Variants in RANBP2 observed in about 807,000 individuals in gnomAD.
RANBP2 encodes the protein E3 SUMO-protein ligase RanBP2.
In RANBP2, 57 loss-of-function variants were observed where a neutral mutation model predicts 303.6. The ratio of observed to expected loss-of-function variants is 0.19; its 90% CI spans 0.15 to 0.23. RANBP2 has a LOEUF of 0.23. Among genes scored for constraint, RANBP2 ranks in the 10% least tolerant of loss-of-function variants. The probability of loss-of-function intolerance (pLI) is 1.00; values close to 1 mark genes in which losing one functional copy is unlikely to be tolerated. For synonymous variants in RANBP2, 1,167 were observed against 1,301.5 expected, an observed-to-expected ratio of 0.90 and a Z score of 2.23; for missense variants, 3,138 against 3,780.8, an observed-to-expected ratio of 0.83 and a Z score of 4.46.
At chr2:109,233,661 G>A in the RANBP2 span, among the ~76,000 whole-genome samples, 14 of 152,308 alleles carry the variant, frequency 9.2e-5, no homozygotes, top group East Asian at 1.9e-4. Context: ...CCTCCTGTTC[G>A]TATCACCACC....
chr2:108,791,544 A>C, the RANBP2 span: 2 of 1,065,486 alleles, frequency 1.9e-6, no homozygotes, highest in Non-Finnish European at 2.9e-6. Flanking sequence ...TTACATGTTT[A>C]CATTTTGCAG....
the RANBP2 span, among the ~76,000 whole-genome samples, chr2:109,407,434 G>A: frequency 1.3e-5 from 2 of 152,164 alleles, no homozygotes; most frequent in African/African-American, 4.8e-5. Context: ...TCTCTATGCA[G>A]CTTCCTGTGT....
chr2:109,199,127 A>G, the RANBP2 span, among the ~76,000 whole-genome samples: 1 of 151,944 alleles, frequency 6.6e-6, no homozygotes, highest in Admixed American at 6.6e-5. Context: ...TGGGAGGCTG[A>G]GGCGGGTGGA....
At chr2:109,315,139 T>C in the RANBP2 span, among the ~76,000 whole-genome samples, 1 of 152,272 alleles carries the variant, frequency 6.6e-6, no homozygotes, top group Admixed American at 6.5e-5. Flanking sequence ...AAACCTGTTT[T>C]ACTTTACTGA....
chr2:108,746,855 CATATCTT>C (rs1284879678), intron 8 of RANBP2, 57 bp downstream of exon 8: 1 of 609,788 alleles, frequency 1.6e-6, no homozygotes, highest in African/African-American at 1.9e-5. Flanking sequence ...TCTGTTAAGG[CATATCTT>C]ATGATAAAAT....
the RANBP2 span, among the ~76,000 whole-genome samples, chr2:109,317,939 A>C: frequency 1.3e-5 from 2 of 152,092 alleles, no homozygotes; most frequent in Non-Finnish European, 2.9e-5. Flanking sequence ...GGGGACTCGC[A>C]CAACTCTGCC....
At chr2:109,556,446 T>C in the RANBP2 span, among the ~76,000 whole-genome samples, 1 of 152,004 alleles carries the variant, frequency 6.6e-6, no homozygotes. Context: ...AAACGCAGAG[T>C]AAGAAATACT....
chr2:108,854,139 G>A, the RANBP2 span, among the ~76,000 whole-genome samples: 3 of 140,250 alleles, frequency 2.1e-5, no homozygotes, highest in African/African-American at 8.0e-5. Context: ...TAGAAAATGT[G>A]TACATTAGGA....
At chr2:109,199,608 G>GTTCC in the RANBP2 span, among the ~76,000 whole-genome samples, 9 of 224 alleles carry the variant, frequency 0.04, no homozygotes, top group South Asian at 0.5. Flanking sequence ...GGAATGGAAT[G>GTTCC]GAATGGAATG....
the RANBP2 span, among the ~76,000 whole-genome samples, chr2:108,821,075 T>G: frequency 5.9e-5 from 9 of 152,288 alleles, no homozygotes; most frequent in African/African-American, 2.2e-4. Flanking sequence ...ATATAATTTG[T>G]GGCCGGGTGC....
At chr2:108,860,610 AT>A in the RANBP2 span, among the ~76,000 whole-genome samples, 1 of 149,870 alleles carries the variant, frequency 6.7e-6, no homozygotes, top group Non-Finnish European at 1.5e-5. Flanking sequence ...ACATTTACTG[AT>A]TTGCGTATAT....
chr2:109,327,287 A>C, the RANBP2 span, among the ~76,000 whole-genome samples: 6 of 152,212 alleles, frequency 3.9e-5, no homozygotes, highest in African/African-American at 1.4e-4. Flanking sequence ...AACACCATTG[A>C]TTAAACAGCC....
chr2:109,426,700 C>A, the RANBP2 span, among the ~76,000 whole-genome samples: 1 of 152,132 alleles, frequency 6.6e-6, no homozygotes, highest in African/African-American at 2.4e-5. Context: ...AGGATTGCCT[C>A]CAATTTTGAA....
At chr2:109,559,850 C>T in the RANBP2 span, among the ~76,000 whole-genome samples, 2 of 151,842 alleles carry the variant, frequency 1.3e-5, no homozygotes, top group East Asian at 1.9e-4. Context: ...ATGGTTTCTA[C>T]CTGTTGCAGG....
At chr2:109,346,287 T>C in the RANBP2 span, among the ~76,000 whole-genome samples, 1 of 152,224 alleles carries the variant, frequency 6.6e-6, no homozygotes, top group Admixed American at 6.5e-5. Context: ...CTCTCTTAAC[T>C]GCTGTCGTTT....
chr2:109,078,100 A>ATAGCGTG, the RANBP2 span, among the ~76,000 whole-genome samples: 2 of 70,006 alleles, frequency 2.9e-5, no homozygotes, highest in African/African-American at 1.0e-4. Flanking sequence ...ATATATATAT[A>ATAGCGTG]TATATATATA....
At chr2:108,906,333 A>G in the RANBP2 span, 1 of 1,614,138 alleles carries the variant, frequency 6.2e-7, no homozygotes, top group East Asian at 2.2e-5. Context: ...ACACGTTGGC[A>G]TACACATCGA....
the RANBP2 span, among the ~76,000 whole-genome samples, chr2:109,041,089 C>T: frequency 1.3e-5 from 2 of 152,076 alleles, no homozygotes; most frequent in South Asian, 2.1e-4. Flanking sequence ...AAAAGATATA[C>T]TTTTAATCTC....
At chr2:108,811,019 T>A in the RANBP2 span, among the ~76,000 whole-genome samples, 1 of 152,100 alleles carries the variant, frequency 6.6e-6, no homozygotes, top group Non-Finnish European at 1.5e-5. Flanking sequence ...TGTATTTCTG[T>A]GGTACTGCTT....
Sources: allele counts gnomAD v4.1 joint callset (sites outside exome capture counted in the v4.1 genomes callset), GRCh38; gene constraint gnomAD v4.1.1; transcripts MANE v1.5; gene names NCBI Gene and HGNC (gene_info 2026-07-23, HGNC 2026-07-21).